The following PARP11 variants were observed in gnomAD, a reference collection of about 807,000 sequenced individuals.
PARP11 encodes poly(ADP-ribose) polymerase family member 11, also known as protein mono-ADP-ribosyltransferase PARP11.
In PARP11, 31 loss-of-function variants were observed where a neutral mutation model predicts 42.9. That is an observed-to-expected ratio of 0.72 (90% CI 0.54 to 0.98). PARP11 has a LOEUF of 0.98. Ranked by LOEUF, PARP11 falls within the 50% of genes least tolerant of loss-of-function variation. The pLI, the probability that PARP11 is intolerant of heterozygous loss-of-function variation, is 0.00. For synonymous variants in PARP11, 137 were observed against 127.3 expected (o/e 1.08, Z -0.51); for missense variants, 365 against 413.1 (o/e 0.88, Z 1.01).
chr12:3,822,296 A>C, intron 4 of PARP11, 139 bp from the exon 5 acceptor site: 1 of 701,450 alleles, frequency 1.4e-6, no homozygotes, highest in Non-Finnish European at 2.4e-6. Flanking sequence ...CCGTTTCTTC[A>C]TTTAAAAATT....
intron 3 of PARP11, among the ~76,000 whole-genome samples, chr12:3,826,793 T>A (rs995613398): frequency 4.6e-5 from 7 of 152,158 alleles, no homozygotes; most frequent in Non-Finnish European, 8.8e-5. Context: ...ATAAAAAGAT[T>A]CTAGTGATAA....
intron 1 of PARP11, among the ~76,000 whole-genome samples, chr12:3,831,873 C>T (rs1042323631): frequency 6.6e-6 from 1 of 151,770 alleles, no homozygotes; most frequent in Non-Finnish European, 1.5e-5. Context: ...TATTAATGTT[C>T]ATTTCATTGG....
intron 1 of PARP11, among the ~76,000 whole-genome samples, chr12:3,859,049 G>A (rs1356543140): frequency 6.8e-6 from 1 of 147,940 alleles, no homozygotes; most frequent in Non-Finnish European, 1.5e-5. Context: ...AGTGAGCCGA[G>A]ATCATGTCAT....
chr12:3,823,738 A>C (rs1947455086), intron 4 of PARP11, among the ~76,000 whole-genome samples: 1 of 152,144 alleles, frequency 6.6e-6, no homozygotes, highest in Non-Finnish European at 1.5e-5. Context: ...CAACAGAGTG[A>C]AACCCCATCT....
chr12:3,839,589 T>C, intron 1 of PARP11: 1 of 1,274,772 alleles, frequency 7.8e-7, no homozygotes, highest in Non-Finnish European at 1.1e-6. Context: ...GCTTGGAAAA[T>C]CCACAGGAAT....
At chr12:3,834,638 A>T (rs1947719745) in intron 1 of PARP11, among the ~76,000 whole-genome samples, 1 of 151,076 alleles carries the variant, frequency 6.6e-6, no homozygotes, top group African/African-American at 2.4e-5. Flanking sequence ...CCATCTCAAA[A>T]AAAAAAAAAA....
At chr12:3,848,659 A>G (rs1236820590) in intron 1 of PARP11, among the ~76,000 whole-genome samples, 1 of 152,198 alleles carries the variant, frequency 6.6e-6, no homozygotes, top group Non-Finnish European at 1.5e-5. Flanking sequence ...AAATCAAATC[A>G]AAATGAATTA....
At chr12:3,872,627 C>T (rs1948508897) in intron 1 of PARP11, 1 of 985,324 alleles carries the variant, frequency 1.0e-6, no homozygotes, top group African/African-American at 1.7e-5. Context: ...AAACGACTGT[C>T]CACCAAGAAG....
chr12:3,866,107 AAAACAAAC>A (rs200533980), intron 1 of PARP11, among the ~76,000 whole-genome samples: 6 of 152,072 alleles, frequency 3.9e-5, no homozygotes, highest in Non-Finnish European at 8.8e-5. Context: ...TCATCACTTA[AAAACAAAC>A]AAACAAACAA....
In PARP11 at chr12:3,857,907, A is replaced by C. The variant is rs560498380; in HGVS notation, c.18+15305T>G. On this transcript the variant is annotated intron_variant, in intron 1 of 7. Transcript: ENST00000228820. ...AGATCAATAAAGGGTAAATATAAAAATATATTCTTGAATAGCATGCTAGCA... is the reference window on the plus strand; with the variant it reads ...AGATCAATAAAGGGTAAATATAAAACTATATTCTTGAATAGCATGCTAGCA... Among the ~76,000 whole-genome samples the C allele has an allele frequency of 3.9e-5, 6 of 152,342 alleles. No homozygotes were observed. The East Asian group carries it at 1.2e-3, about 29-fold the overall frequency.
At chr12:3,823,406 T>A (rs1947445265) in intron 4 of PARP11, among the ~76,000 whole-genome samples, 1 of 152,178 alleles carries the variant, frequency 6.6e-6, no homozygotes, top group African/African-American at 2.4e-5. Context: ...CACCTGTTTT[T>A]TTGGTTTTTA....
rs189987124 is a variant in PARP11, at chr12:3,863,627, C to T, written c.18+9585G>A. ...TAGAGTAAAATCAGCAAAGGGGAAA[C>T]GCACATGGGGTGAAGTCTAGAAGAA... On this transcript the variant is annotated intron_variant, in intron 1 of 7. Transcript: ENST00000228820. 3.9e-5 allele frequency among the ~76,000 whole-genome samples: 6 copies of T among 152,276 alleles called. No homozygotes were observed. In the East Asian group the frequency reaches 5.8e-4, roughly 15 times the overall value.
chr12:3,840,579 T>A lies in PARP11; in HGVS notation c.19-10561A>T. ...TAAGAAAACCTGATCGTGAAAGAGT[T>A]GAGGATTCTGATCACACAAGTCGAG... On this transcript the variant is annotated intron_variant, in intron 1 of 7. Transcript: ENST00000228820. The surrounding 1 kb of genome is among the most constrained non-coding windows in gnomAD (Gnocchi z 4.4). 1 of 1,470,832 alleles carries A rather than the reference T, an allele frequency of 6.8e-7. No homozygotes were observed. Among genetic ancestry groups the A allele is most frequent in the Non-Finnish European group, 9.5e-7 (1 of 1,049,476 alleles). 91.1% of individuals were successfully genotyped at this position (1,470,832 alleles called of 1,614,324 possible).
chr12:3,813,269 A>T (rs1205512264), intron 7 of PARP11, among the ~76,000 whole-genome samples: 1 of 152,238 alleles, frequency 6.6e-6, no homozygotes, highest in Non-Finnish European at 1.5e-5. Flanking sequence ...ATGATATGGG[A>T]TAACAATTCA....
chr12:3,841,679 T>C, intron 1 of PARP11: 1 of 1,613,560 alleles, frequency 6.2e-7, no homozygotes, highest in Non-Finnish European at 8.5e-7. Flanking sequence ...GGCAAGAATA[T>C]GTTCCCCCAG....
intron 1 of PARP11, among the ~76,000 whole-genome samples, chr12:3,857,434 ATC>A (rs1345278173): frequency 6.6e-6 from 1 of 152,194 alleles, no homozygotes; most frequent in Non-Finnish European, 1.5e-5. Flanking sequence ...CCAATGAAAC[ATC>A]ACTGTTTTGA....
intron 1 of PARP11, among the ~76,000 whole-genome samples, chr12:3,833,946 G>A (rs1463535277): frequency 6.6e-6 from 1 of 151,400 alleles, no homozygotes; most frequent in African/African-American, 2.4e-5. Context: ...CAGAGGTGTA[G>A]AAGCTCTGTT....
rs1011569468 is a variant in PARP11 at position 3,814,936 on chromosome 12, T to C, written c.549-748A>G. On this transcript the variant is annotated intron_variant, in intron 6 of 7. Coordinates refer to ENST00000228820, the MANE Select transcript of PARP11 (RefSeq NM_020367.6). Reference sequence around the variant, plus strand: ...GAACTCAAAATAATACTGTGTATTATGTAGGTATACATACACAGGTAGTAA... The same window carrying C: ...GAACTCAAAATAATACTGTGTATTACGTAGGTATACATACACAGGTAGTAA... The C allele has an allele frequency of 8.0e-5, 34 of 425,198 alleles. 2 individuals carry two copies. Among genetic ancestry groups the C allele is most frequent in the South Asian group, 5.1e-4 (30 of 58,796 alleles). The allele number at this position is 425,198 out of a possible 1,614,324, so 26.3% of individuals were successfully genotyped here.
chr12:3,849,805 A>C (rs1197968667), intron 1 of PARP11, among the ~76,000 whole-genome samples: 4 of 152,216 alleles, frequency 2.6e-5, no homozygotes, highest in Admixed American at 2.6e-4. Context: ...ATTTCAAAAT[A>C]GCTAGAAGGG....
Sources: gnomAD v4.1 joint callset for allele counts (sites outside exome capture counted in the v4.1 genomes callset) on GRCh38, gnomAD v4.1.1 for gene constraint, Gnocchi (gnomAD v3.1) non-coding constraint, MANE v1.5 for transcripts, NCBI Gene and HGNC (gene_info 2026-07-23, HGNC 2026-07-21) for gene names.